ST3GAL1: variants seen among roughly 807,000 people sequenced by gnomAD.
ST3GAL1 encodes the protein ST3 beta-galactoside alpha-2,3-sialyltransferase 1, also known as CMP-N-acetylneuraminate-beta-galactosamide-alpha-2,3-sialyltransferase 1.
A neutral mutation model predicts 34.1 loss-of-function variants in ST3GAL1; 16 were observed. The ratio of observed to expected loss-of-function variants is 0.47; its 90% CI spans 0.32 to 0.71. The LOEUF is 0.71. ST3GAL1 is among the 30% of genes least tolerant of loss of function. The pLI is 0.04. For synonymous variants in ST3GAL1, 191 were observed against 184.7 expected, an observed-to-expected ratio of 1.03 and a Z score of -0.28; for missense variants, 353 against 447.4, an observed-to-expected ratio of 0.79 and a Z score of 1.90.
rs4989770 is a variant in ST3GAL1 at position 133,540,760 on chromosome 8, T to G, written c.-429+5014A>C. Among the ~76,000 whole-genome samples, 269 of 58,560 alleles carry G rather than the reference T, an allele frequency of 4.6e-3. 8 individuals are homozygous for G. The highest frequency in any genetic ancestry group is 0.019 in the Admixed American group (107 of 5,540). 38.4% of individuals were successfully genotyped at this position (58,560 alleles called of 152,430 possible). ...ATATATATAGACATATATATATATA[T>G]AGACATATATATATAGAGACATATA... On this transcript the variant is annotated intron_variant, in intron 2 of 9. Transcript: ENST00000522652.
chr8:133,571,210 G>A lies in ST3GAL1; in HGVS notation c.-582+483C>T, dbSNP rs1819558014. On this transcript the variant is annotated intron_variant, in intron 1 of 9. Transcript: ENST00000522652. This position sits in a 1 kb window ranked among gnomAD's most constrained non-coding sequence, Gnocchi z 6.7. ...CGGCCTCCGCGGTGTCCCAGCCTGT[G>A]ACCCCAAATCCGCTCGAGAGCGCCT... Among the ~76,000 whole-genome samples, 1 of 152,194 alleles carries A rather than the reference G, an allele frequency of 6.6e-6. No homozygotes were observed. The highest frequency in any genetic ancestry group is 1.5e-5 in the Non-Finnish European group (1 of 68,040).
chr8:133,541,424 C>G (rs1818527389), intron 2 of ST3GAL1, among the ~76,000 whole-genome samples: 1 of 152,074 alleles, frequency 6.6e-6, no homozygotes, highest in Admixed American at 6.6e-5. Context: ...ACACCCTCAA[C>G]CTGATCAAGG....
intron 2 of ST3GAL1, among the ~76,000 whole-genome samples, chr8:133,530,232 T>C (rs531654571): frequency 6.6e-6 from 1 of 152,244 alleles, no homozygotes; most frequent in East Asian, 1.9e-4. Context: ...CAGCAGGCAC[T>C]CAGAGGACAA....
intron 2 of ST3GAL1, among the ~76,000 whole-genome samples, chr8:133,523,085 G>A (rs1047314628): frequency 6.6e-6 from 1 of 152,166 alleles, no homozygotes; most frequent in African/African-American, 2.4e-5. Context: ...AGATGGGGCT[G>A]CGCTCTGTCA....
chr8:133,562,842 C>CTTTT (rs1166582655), intron 1 of ST3GAL1, among the ~76,000 whole-genome samples: 1 of 66,394 alleles, frequency 1.5e-5, no homozygotes, highest in Admixed American at 1.7e-4. Flanking sequence ...TCCTTCCTTC[C>CTTTT]TTTCTTTCTT....
chr8:133,544,432 A>C (rs1199396817), intron 2 of ST3GAL1, among the ~76,000 whole-genome samples: 1 of 152,198 alleles, frequency 6.6e-6, no homozygotes, highest in Non-Finnish European at 1.5e-5. Context: ...TTTGTTCAAC[A>C]TGTTCTTTCA....
intron 2 of ST3GAL1, among the ~76,000 whole-genome samples, chr8:133,525,003 G>A (rs1817923478): frequency 6.6e-6 from 1 of 152,222 alleles, no homozygotes; most frequent in South Asian, 2.1e-4. Flanking sequence ...GTGAATGGAG[G>A]GAGGAGGGTG....
chr8:133,553,103 T>C (rs1010904844), intron 1 of ST3GAL1, among the ~76,000 whole-genome samples: 11 of 152,246 alleles, frequency 7.2e-5, no homozygotes, highest in African/African-American at 2.4e-4. Context: ...AGGGCTGACA[T>C]GACCTTGAGG....
At chr8:133,551,607 A>AAAGAAAGAAAGG (rs1818865025) in intron 1 of ST3GAL1, among the ~76,000 whole-genome samples, 4 of 149,144 alleles carry the variant, frequency 2.7e-5, no homozygotes, top group African/African-American at 1.0e-4. Context: ...AGAAAGAAAG[A>AAAGAAAGAAAGG]AAGAAAGAAA....
At position 133,465,992 on chromosome 8, in the gene ST3GAL1, C is replaced by T. The variant is rs1053789673; in HGVS notation, c.405G>A (p.Arg135=). ...PGNVDPMLEK[R]SVGCRRCAVV... ...CGGCGCAGCGCCGGCAGCCCACCGA[C>T]CTCTTCTCCAGCATAGGGTCCACAT... Residue 135 remains arginine (R), a synonymous_variant, in exon 6 of 10, where the codon AGG becomes AGA. Coordinates refer to ENST00000522652, the MANE Select transcript of ST3GAL1 (RefSeq NM_173344.3). 1.9e-6 allele frequency: 3 copies of T among 1,614,220 alleles called. No individual in the cohort carries two copies. Among genetic ancestry groups the T allele is most frequent in the Middle Eastern group, 1.6e-4 (1 of 6,062 alleles).
chr8:133,544,433 T>C (rs1345038986), intron 2 of ST3GAL1, among the ~76,000 whole-genome samples: 1 of 152,248 alleles, frequency 6.6e-6, no homozygotes, highest in African/African-American at 2.4e-5. Context: ...TTGTTCAACA[T>C]GTTCTTTCAA....
chr8:133,497,556 CGT>C, intron 3 of ST3GAL1, among the ~76,000 whole-genome samples: 1 of 144,284 alleles, frequency 6.9e-6, no homozygotes, highest in East Asian at 2.1e-4. Flanking sequence ...CTGCAACCTC[CGT>C]GCCTCCTGGG....
intron 3 of ST3GAL1, among the ~76,000 whole-genome samples, chr8:133,486,289 C>T (rs1049332337): frequency 6.6e-6 from 1 of 152,244 alleles, no homozygotes; most frequent in Non-Finnish European, 1.5e-5. Context: ...CCTATCCCCA[C>T]TCCATGGTGG....
chr8:133,549,084 C>G (rs567654867), intron 1 of ST3GAL1, among the ~76,000 whole-genome samples: 1 of 152,344 alleles, frequency 6.6e-6, no homozygotes, highest in East Asian at 1.9e-4. Flanking sequence ...AGGATATATA[C>G]TGCAACTGTT....
chr8:133,546,341 G>C (rs1295015941), intron 1 of ST3GAL1, among the ~76,000 whole-genome samples: 8 of 152,006 alleles, frequency 5.3e-5, no homozygotes. Flanking sequence ...AAATTAGCTG[G>C]GCATGGTGGC....
At chr8:133,468,669 G>C (rs1224482567) in intron 5 of ST3GAL1, among the ~76,000 whole-genome samples, 3 of 152,216 alleles carry the variant, frequency 2.0e-5, no homozygotes, top group Non-Finnish European at 4.4e-5. Flanking sequence ...GTGATATCCA[G>C]ATAAAATGCC....
intron 3 of ST3GAL1, among the ~76,000 whole-genome samples, chr8:133,491,342 C>G (rs900434007): frequency 2.6e-5 from 4 of 152,010 alleles, no homozygotes; most frequent in African/African-American, 9.7e-5. Flanking sequence ...TATGCGCGCA[C>G]CCAGGCTCAC....
rs1445464399 is a variant in ST3GAL1, at chr8:133,469,278, G to A, written c.307-3188C>T. On this transcript the variant is annotated intron_variant, in intron 5 of 9. Coordinates refer to ENST00000522652, the MANE Select transcript of ST3GAL1 (RefSeq NM_173344.3). This position sits in a 1 kb window ranked among gnomAD's most constrained non-coding sequence, Gnocchi z 4.3. ...CTATCGCCCAGGCTGGAATGCAGTG[G>A]TGCGATCTCGGCTCACTGCAACCTC... is the stretch of plus-strand genomic sequence containing the variant. Among the ~76,000 whole-genome samples the A allele has an allele frequency of 1.3e-5, 2 of 152,152 alleles. No individual in the cohort carries two copies. The highest frequency in any genetic ancestry group is 2.9e-5 in the Non-Finnish European group (2 of 68,038).
At position 133,459,792 on chromosome 8, in the gene ST3GAL1, T is replaced by A. The variant is rs149294559; in HGVS notation, c.995A>T (p.Asn332Ile). Residue 332 changes from asparagine (N) to isoleucine (I), a missense_variant, in exon 10 of 10, where the codon AAT (asparagine) becomes ATT (isoleucine). By Grantham distance (149) the Asn-to-Ile change is moderately radical. Coordinates refer to ENST00000522652, the MANE Select transcript of ST3GAL1 (RefSeq NM_173344.3). The surrounding 1 kb of genome is among the most constrained non-coding windows in gnomAD (Gnocchi z 4.7). ...TCTCCCCTTGAAGATCCGGATTTTATTGATGGAGGCCAAGGTGGCCGTCAC... is the reference window on the plus strand; with the variant it reads ...TCTCCCCTTGAAGATCCGGATTTTAATGATGGAGGCCAAGGTGGCCGTCAC... ...SNVTATLASI[N>I]KIRIFKGR 2.2e-5 allele frequency: 35 copies of A among 1,613,212 alleles called. No homozygotes were observed. The highest frequency in any genetic ancestry group is 2.6e-5 in the Non-Finnish European group (31 of 1,179,644).
Sources: allele counts gnomAD v4.1 joint callset (sites outside exome capture counted in the v4.1 genomes callset), GRCh38; gene constraint gnomAD v4.1.1; non-coding constraint Gnocchi (gnomAD v3.1); transcripts MANE v1.5; gene names NCBI Gene and HGNC (gene_info 2026-07-23, HGNC 2026-07-21).